PTPRK: variants seen among roughly 807,000 people sequenced by gnomAD.
PTPRK encodes the protein protein tyrosine phosphatase receptor type K.
In PTPRK, 75 loss-of-function variants were observed where a neutral mutation model predicts 178.0. The observed-to-expected ratio is 0.42, with a 90% confidence interval of 0.35 to 0.51. The LOEUF is 0.51. PTPRK is among the 20% of genes least tolerant of loss of function. The pLI is 0.02. For missense variants in PTPRK, 1,441 were observed against 1,797.8 expected (o/e 0.80, Z 3.59); for synonymous variants, 637 against 620.6 (o/e 1.03, Z -0.39).
chr6:128,319,834 G>A (rs949366791), intron 3 of PTPRK, among the ~76,000 whole-genome samples: 3 of 152,188 alleles, frequency 2.0e-5, no homozygotes, highest in Admixed American at 2.0e-4. Flanking sequence ...AATCACAAAT[G>A]TACAGGTACA....
At chr6:128,116,344 C>T (rs1791524324) in intron 7 of PTPRK, among the ~76,000 whole-genome samples, 1 of 150,876 alleles carries the variant, frequency 6.6e-6, no homozygotes, top group East Asian at 1.9e-4. Flanking sequence ...ATAATCTGAC[C>T]CTTATTTGAA....
chr6:128,113,404 CAT>C (rs1790988327), intron 7 of PTPRK, among the ~76,000 whole-genome samples: 1 of 149,454 alleles, frequency 6.7e-6, no homozygotes, highest in East Asian at 1.9e-4. Flanking sequence ...TATAAAATAA[CAT>C]ATATATAGTC....
chr6:127,970,309 G>T, intron 29 of PTPRK, 29 bp from the exon 30 acceptor site: 2 of 1,575,766 alleles, frequency 1.3e-6, no homozygotes, highest in Non-Finnish European at 1.7e-6. Flanking sequence ...CAAAGAGTGA[G>T]AAAACTTAAG....
intron 13 of PTPRK, among the ~76,000 whole-genome samples, chr6:128,015,314 C>T (rs992512662): frequency 2.0e-5 from 3 of 151,584 alleles, no homozygotes; most frequent in Non-Finnish European, 3.0e-5. Context: ...TTTTAATGTG[C>T]ATATTAATTT....
chr6:128,198,506 G>A (rs1323049078), intron 6 of PTPRK, among the ~76,000 whole-genome samples: 2 of 152,098 alleles, frequency 1.3e-5, no homozygotes, highest in Non-Finnish European at 2.9e-5. Flanking sequence ...ATAGCATTAG[G>A]AGAATTACCT....
intron 2 of PTPRK, among the ~76,000 whole-genome samples, chr6:128,396,813 C>T (rs1840367835): frequency 6.6e-6 from 1 of 152,194 alleles, no homozygotes; most frequent in Non-Finnish European, 1.5e-5. Context: ...GCCTGACCAA[C>T]ACAGTGAAAC....
At chr6:128,213,122 T>G (rs1229502128) in intron 6 of PTPRK, among the ~76,000 whole-genome samples, 1 of 152,074 alleles carries the variant, frequency 6.6e-6, no homozygotes, top group African/African-American at 2.4e-5. Flanking sequence ...TTTAATGGAC[T>G]ATATGAACAA....
chr6:128,018,696 A>C (rs976790597), intron 13 of PTPRK, among the ~76,000 whole-genome samples: 1 of 152,098 alleles, frequency 6.6e-6, no homozygotes, highest in African/African-American at 2.4e-5. Context: ...TACTTCATAA[A>C]GCCTCAGTAA....
At chr6:128,463,739 C>G (rs1038084065) in intron 1 of PTPRK, among the ~76,000 whole-genome samples, 2 of 137,558 alleles carry the variant, frequency 1.5e-5, no homozygotes, top group Non-Finnish European at 3.1e-5. Flanking sequence ...TCAATCTTCA[C>G]GGTTTTTTTT....
intron 7 of PTPRK, among the ~76,000 whole-genome samples, chr6:128,137,069 A>G (rs1795122921): frequency 6.6e-6 from 1 of 152,166 alleles, no homozygotes; most frequent in Non-Finnish European, 1.5e-5. Flanking sequence ...TGTGAGAGCT[A>G]TACTCTGCAG....
chr6:128,047,444 A>T (rs1383536271), intron 13 of PTPRK, among the ~76,000 whole-genome samples: 1 of 152,156 alleles, frequency 6.6e-6, no homozygotes, highest in Non-Finnish European at 1.5e-5. Context: ...ATGAAAAATG[A>T]ATGCCCACAT....
chr6:127,982,222 T>C (rs1775427720), intron 24 of PTPRK, among the ~76,000 whole-genome samples: 1 of 152,162 alleles, frequency 6.6e-6, no homozygotes, highest in African/African-American at 2.4e-5. Flanking sequence ...AAAAAAAGGC[T>C]ATAAATACAC....
chr6:128,001,678 T>A (rs1284326760), intron 15 of PTPRK, among the ~76,000 whole-genome samples: 2 of 151,906 alleles, frequency 1.3e-5, no homozygotes, highest in African/African-American at 2.4e-5. Flanking sequence ...GAAAAAGGTA[T>A]GGTAGGAATT....
intron 3 of PTPRK, among the ~76,000 whole-genome samples, chr6:128,308,733 C>A (rs915940792): frequency 6.6e-6 from 1 of 152,142 alleles, no homozygotes; most frequent in African/African-American, 2.4e-5. Context: ...TAAGTAAAAA[C>A]CACCCTACGA....
At chr6:128,420,147 C>G (rs570762112) in intron 1 of PTPRK, among the ~76,000 whole-genome samples, 4 of 152,150 alleles carry the variant, frequency 2.6e-5, no homozygotes, top group Non-Finnish European at 5.9e-5. Context: ...ATGTAGCTAC[C>G]TGTTCTTCCC....
intron 3 of PTPRK, among the ~76,000 whole-genome samples, chr6:128,265,226 C>T (rs1046898051): frequency 1.3e-5 from 2 of 152,086 alleles, no homozygotes; most frequent in East Asian, 1.9e-4. Flanking sequence ...TGTCCTACTC[C>T]GTATATCATC....
intron 2 of PTPRK, among the ~76,000 whole-genome samples, chr6:128,387,624 A>G (rs1407942024): frequency 1.3e-5 from 2 of 152,200 alleles, no homozygotes; most frequent in African/African-American, 4.8e-5. Flanking sequence ...TACACAGTGT[A>G]TAACACTTGA....
intron 17 of PTPRK, 85 bp downstream of exon 17, chr6:127,996,816 C>T: frequency 6.8e-7 from 1 of 1,463,926 alleles, no homozygotes; most frequent in Non-Finnish European, 9.2e-7. Context: ...TAAACAGACA[C>T]ACCACTCTCT....
At chr6:128,440,356 C>T (rs1173425227) in intron 1 of PTPRK, among the ~76,000 whole-genome samples, 2 of 152,154 alleles carry the variant, frequency 1.3e-5, no homozygotes, top group East Asian at 3.9e-4. Context: ...TATGCAATTG[C>T]TTAGATCCTC....
Sources: allele counts gnomAD v4.1 joint callset (sites outside exome capture counted in the v4.1 genomes callset), GRCh38; gene constraint gnomAD v4.1.1; transcripts MANE v1.5; gene names NCBI Gene and HGNC (gene_info 2026-07-23, HGNC 2026-07-21).